Variants in PALM2AKAP2 observed in about 807,000 individuals in gnomAD.
The protein encoded by PALM2AKAP2 is PALM2-AKAP2 fusion protein.
A neutral mutation model predicts 71.5 loss-of-function variants in PALM2AKAP2; 37 were observed. The observed-to-expected ratio is 0.52, with a 90% CI of 0.40 to 0.68. PALM2AKAP2 has a LOEUF of 0.68. PALM2AKAP2 is among the 30% of genes least tolerant of loss of function. The probability of loss-of-function intolerance (pLI) is 0.00; values close to 1 mark genes in which losing one functional copy is unlikely to be tolerated. For missense variants in PALM2AKAP2, 1,224 were observed against 1,191.8 expected (o/e 1.03, Z -0.40); for synonymous variants, 468 against 478.8 (o/e 0.98, Z 0.29).
intron 1 of PALM2AKAP2, among the ~76,000 whole-genome samples, chr9:110,113,556 T>C (rs1381427205): frequency 6.7e-6 from 1 of 150,014 alleles, no homozygotes; most frequent in Non-Finnish European, 1.5e-5. Flanking sequence ...AGAGTTTTGC[T>C]CTTGTTGCCC....
chr9:109,797,110 T>G (rs1470442146), intron 1 of PALM2AKAP2, among the ~76,000 whole-genome samples: 1 of 152,236 alleles, frequency 6.6e-6, no homozygotes, highest in Admixed American at 6.5e-5. Flanking sequence ...ATGCTACCTC[T>G]TTTACCTTCT....
chr9:109,912,694 G>A (rs1447724087), intron 3 of PALM2AKAP2, among the ~76,000 whole-genome samples: 1 of 151,668 alleles, frequency 6.6e-6, no homozygotes, highest in Non-Finnish European at 1.5e-5. Context: ...TAGATTGCTA[G>A]AGAGCTAGAT....
chr9:109,880,945 G>T (rs1330618502), intron 3 of PALM2AKAP2, among the ~76,000 whole-genome samples: 1 of 152,128 alleles, frequency 6.6e-6, no homozygotes, highest in Admixed American at 6.5e-5. Context: ...AGGTAAACTT[G>T]TATCGTGGGG....
At chr9:109,990,834 T>C (rs972835215) in intron 6 of PALM2AKAP2, among the ~76,000 whole-genome samples, 3 of 152,206 alleles carry the variant, frequency 2.0e-5, no homozygotes, top group Non-Finnish European at 2.9e-5. Context: ...CAGAATCCTG[T>C]AAATCTGTGG....
chr9:109,833,526 C>T (rs1445436366), intron 1 of PALM2AKAP2, among the ~76,000 whole-genome samples: 1 of 152,166 alleles, frequency 6.6e-6, no homozygotes, highest in Non-Finnish European at 1.5e-5. Flanking sequence ...ACCCTGTTTC[C>T]TGAGGCCCAG....
At chr9:109,831,869 A>G (rs773029924) in intron 1 of PALM2AKAP2, among the ~76,000 whole-genome samples, 12 of 152,150 alleles carry the variant, frequency 7.9e-5, no homozygotes, top group Non-Finnish European at 1.8e-4. Flanking sequence ...AGAAAAATCT[A>G]AAAGATTCTC....
At chr9:109,951,774 C>A (rs1032441347) in intron 6 of PALM2AKAP2, among the ~76,000 whole-genome samples, 2 of 152,144 alleles carry the variant, frequency 1.3e-5, no homozygotes, top group African/African-American at 4.8e-5. Context: ...TTTGGGTGCC[C>A]CTTGGTGGGA....
chr9:110,074,244 T>G (rs1834270134), intron 1 of PALM2AKAP2, among the ~76,000 whole-genome samples: 1 of 152,182 alleles, frequency 6.6e-6, no homozygotes, highest in South Asian at 2.1e-4. Flanking sequence ...CCTAGCTACT[T>G]GGGAAGCTGA....
intron 1 of PALM2AKAP2, among the ~76,000 whole-genome samples, chr9:109,791,380 C>T (rs557992961): frequency 2.6e-4 from 39 of 152,204 alleles, no homozygotes; most frequent in East Asian, 5.8e-4. Context: ...CTGCTTTTGC[C>T]TCTGGATGGT....
intron 6 of PALM2AKAP2, among the ~76,000 whole-genome samples, chr9:109,957,133 T>C (rs1235840338): frequency 3.3e-5 from 5 of 152,208 alleles, no homozygotes; most frequent in African/African-American, 9.6e-5. Flanking sequence ...AAGATCACGA[T>C]CGTTTAAACA....
chr9:109,650,657 C>T (rs564359278), intron 1 of PALM2AKAP2, among the ~76,000 whole-genome samples: 1 of 152,316 alleles, frequency 6.6e-6, no homozygotes, highest in South Asian at 2.1e-4. Flanking sequence ...AATTCCTGGC[C>T]TTAAGCAATC....
chr9:109,676,704 G>A (rs1827653636), intron 1 of PALM2AKAP2, among the ~76,000 whole-genome samples: 2 of 152,146 alleles, frequency 1.3e-5, no homozygotes. Flanking sequence ...AGGAAAAGGA[G>A]CAGGCTGAGT....
At chr9:110,060,883 G>A (rs1444403418) in intron 1 of PALM2AKAP2, among the ~76,000 whole-genome samples, 1 of 152,106 alleles carries the variant, frequency 6.6e-6, no homozygotes, top group Non-Finnish European at 1.5e-5. Context: ...TACAGCAGGA[G>A]TTTTTACTCT....
intron 1 of PALM2AKAP2, among the ~76,000 whole-genome samples, chr9:109,852,308 T>C (rs1370236141): frequency 2.6e-5 from 4 of 152,190 alleles, no homozygotes; most frequent in Non-Finnish European, 5.9e-5. Context: ...CACCTTTGTG[T>C]CTGTGTGTAC....
At chr9:109,938,944 G>A (rs1158946064) in intron 6 of PALM2AKAP2, among the ~76,000 whole-genome samples, 2 of 152,160 alleles carry the variant, frequency 1.3e-5, no homozygotes, top group South Asian at 2.1e-4. Flanking sequence ...CAGGAGAATC[G>A]CTTGAACCCG....
intron 1 of PALM2AKAP2, among the ~76,000 whole-genome samples, chr9:109,741,473 C>T (rs932409539): frequency 6.6e-6 from 1 of 152,152 alleles, no homozygotes; most frequent in East Asian, 1.9e-4. Flanking sequence ...GGGTACATAC[C>T]TAGGATTGAA....
intron 6 of PALM2AKAP2, among the ~76,000 whole-genome samples, chr9:109,977,669 A>G (rs1405337922): frequency 6.6e-6 from 1 of 152,194 alleles, no homozygotes; most frequent in Non-Finnish European, 1.5e-5. Context: ...ACATTTACTG[A>G]CATACATATC....
At chr9:109,751,769 T>C (rs1226395388) in intron 1 of PALM2AKAP2, among the ~76,000 whole-genome samples, 1 of 152,142 alleles carries the variant, frequency 6.6e-6, no homozygotes, top group Admixed American at 6.6e-5. Flanking sequence ...CCCAAAGCTT[T>C]TATTTCTAAG....
At chr9:109,733,343 T>C (rs1483147365) in intron 1 of PALM2AKAP2, among the ~76,000 whole-genome samples, 2 of 152,210 alleles carry the variant, frequency 1.3e-5, no homozygotes, top group Non-Finnish European at 2.9e-5. Flanking sequence ...TGCCTCTATC[T>C]CTGCTACAGA....
Sources: allele counts gnomAD v4.1 joint callset (sites outside exome capture counted in the v4.1 genomes callset), GRCh38; gene constraint gnomAD v4.1.1; transcripts MANE v1.5; gene names NCBI Gene and HGNC (gene_info 2026-07-23, HGNC 2026-07-21).